SSU72: variants seen among roughly 807,000 people sequenced by gnomAD.
The protein encoded by SSU72 is SSU72 homolog, RNA polymerase II CTD phosphatase.
Under a neutral mutation model 22.7 loss-of-function variants are expected in SSU72, and 12 were observed. The ratio of observed to expected loss-of-function variants is 0.53; its 90% CI spans 0.34 to 0.86. SSU72 has a LOEUF of 0.86. SSU72 is among the 40% of genes least tolerant of loss of function. The probability of loss-of-function intolerance (pLI) is 0.02; values close to 1 mark genes in which losing one functional copy is unlikely to be tolerated. For synonymous variants in SSU72, 116 were observed against 98.3 expected (o/e 1.18, Z -1.06); for missense variants, 151 against 249.8 (o/e 0.60, Z 2.67).
chr1:1,574,630 A>G lies in SSU72; in HGVS notation c.-73T>C. The G allele has an allele frequency of 1.4e-6, 2 of 1,439,200 alleles. No homozygotes were observed. The highest frequency in any genetic ancestry group is 1.9e-6 in the Non-Finnish European group (2 of 1,076,172). 89.2% of individuals were successfully genotyped at this position (1,439,200 alleles called of 1,614,324 possible). On this transcript the variant is annotated 5_prime_UTR_variant, in exon 1 of 5. Coordinates refer to ENST00000291386, the MANE Select transcript of SSU72 (RefSeq NM_014188.3). ...ACCGCGGCGCTTCCGCGCGAACAAA[A>G]TGGCGGCCGCGGTGGCCGGAAGCGG...
At chr1:1,547,580 T>A (rs984406886) in intron 2 of SSU72, among the ~76,000 whole-genome samples, 2 of 152,122 alleles carry the variant, frequency 1.3e-5, no homozygotes, top group African/African-American at 2.4e-5. Context: ...GACCAAGCCA[T>A]GAGCTCACAG....
chr1:1,574,645 G>C lies in SSU72; in HGVS notation c.-88C>G. On this transcript the variant is annotated 5_prime_UTR_variant, in exon 1 of 5. Coordinates refer to ENST00000291386, the MANE Select transcript of SSU72 (RefSeq NM_014188.3). ...CGCGAACAAAATGGCGGCCGCGGTG[G>C]CCGGAAGCGGGCGACGCGAAACGAC... 1 of 1,300,016 alleles carries C rather than the reference G, an allele frequency of 7.7e-7. No homozygotes were observed. Among genetic ancestry groups the C allele is most frequent in the Non-Finnish European group, 1.0e-6 (1 of 995,986 alleles). 80.5% of individuals were successfully genotyped at this position (1,300,016 alleles called of 1,614,324 possible).
chr1:1,574,425 G>A (rs556933102), intron 1 of SSU72, 53 bp downstream of exon 1: 226 of 1,538,778 alleles, frequency 1.5e-4, no homozygotes, highest in Middle Eastern at 5.1e-4. Flanking sequence ...CGGGGAGGAG[G>A]GAGGGCCGGT....
At chr1:1,567,652 AAT>A (rs2100721395) in intron 1 of SSU72, among the ~76,000 whole-genome samples, 1 of 152,206 alleles carries the variant, frequency 6.6e-6, no homozygotes, top group East Asian at 1.9e-4. Flanking sequence ...CATACAATAA[AAT>A]ATGTTCCGTC....
At chr1:1,547,309 G>A (rs1248174815) in intron 2 of SSU72, among the ~76,000 whole-genome samples, 1 of 152,248 alleles carries the variant, frequency 6.6e-6, no homozygotes, top group African/African-American at 2.4e-5. Context: ...CTGAGGCCTG[G>A]ACAGTTCTAA....
rs184341811 is a variant in SSU72 at position 1,553,716 on chromosome 1, G to A, written c.225-8714C>T. On this transcript the variant is annotated intron_variant, in intron 2 of 4. Transcript: ENST00000291386. ...CAAGGCAGGAGAATGGTGTGAACCC[G>A]GGAGGCAGAGCTTGCGGTGAGCCGA... 1.1e-4 allele frequency among the ~76,000 whole-genome samples: 16 copies of A among 151,698 alleles called. No individual in the cohort carries two copies. In the East Asian group the frequency reaches 1.4e-3, roughly 13 times the overall value.
intron 2 of SSU72, among the ~76,000 whole-genome samples, chr1:1,551,218 A>C (rs1642452051): frequency 6.6e-6 from 1 of 152,232 alleles, no homozygotes; most frequent in South Asian, 2.1e-4. Context: ...CGTCTCCCAG[A>C]GGCTGCGGGA....
intron 2 of SSU72, among the ~76,000 whole-genome samples, chr1:1,557,771 A>G (rs532974470): frequency 3.3e-5 from 5 of 151,944 alleles, no homozygotes; most frequent in Admixed American, 1.3e-4. Context: ...GCACTCCAGC[A>G]GGGGTGACAG....
At position 1,542,266 on chromosome 1, in the gene SSU72, G is replaced by A. The variant is rs994372940; in HGVS notation, c.484-99C>T. On this transcript the variant is annotated intron_variant, in intron 4 of 4. Coordinates refer to ENST00000291386, the MANE Select transcript of SSU72 (RefSeq NM_014188.3). The surrounding 1 kb of genome is among the most constrained non-coding windows in gnomAD (Gnocchi z 4.4). Reference sequence around the variant, plus strand: ...GGGAAACGCCAGGCCTGAGCCAGCAGAAACCAGCGCAGCAGGCAGGCCCTC... The same window carrying A: ...GGGAAACGCCAGGCCTGAGCCAGCAAAAACCAGCGCAGCAGGCAGGCCCTC... The A allele has an allele frequency of 8.4e-7, 1 of 1,187,558 alleles. No individual in the cohort carries two copies. Among genetic ancestry groups the A allele is most frequent in the African/African-American group, 1.5e-5 (1 of 66,158 alleles). The allele number at this position is 1,187,558 out of a possible 1,614,324, so 73.6% of individuals were successfully genotyped here.
At chr1:1,572,671 A>AT (rs1378946467) in intron 1 of SSU72, among the ~76,000 whole-genome samples, 1 of 150,868 alleles carries the variant, frequency 6.6e-6, no homozygotes, top group Non-Finnish European at 1.5e-5. Flanking sequence ...GTTAGCCAGG[A>AT]TAGTCTCAAT....
At chr1:1,566,648 CAAG>C (rs1642665831) in intron 1 of SSU72, among the ~76,000 whole-genome samples, 1 of 152,112 alleles carries the variant, frequency 6.6e-6, no homozygotes, top group Non-Finnish European at 1.5e-5. Flanking sequence ...GTCAGGAGAT[CAAG>C]ACCAGCCTGG....
intron 1 of SSU72, among the ~76,000 whole-genome samples, chr1:1,573,521 TG>T (rs1358811386): frequency 6.9e-6 from 1 of 145,934 alleles, no homozygotes; most frequent in East Asian, 2.0e-4. Flanking sequence ...TTTTGGGGGG[TG>T]TTTTTTGGTC....
intron 2 of SSU72, chr1:1,545,644 C>A: frequency 6.6e-6 from 1 of 152,500 alleles, no homozygotes; most frequent in Non-Finnish European, 1.5e-5. Flanking sequence ...CCCGTCTCTA[C>A]TAAAAATACA....
At chr1:1,564,479 C>CT in intron 2 of SSU72, 2 of 1,477,258 alleles carry the variant, frequency 1.4e-6, no homozygotes, top group Non-Finnish European at 1.8e-6. Flanking sequence ...TGGGTTCCAC[C>CT]TCCTCACCTA....
chr1:1,555,469 G>T (rs996019555), intron 2 of SSU72, among the ~76,000 whole-genome samples: 3 of 152,250 alleles, frequency 2.0e-5, no homozygotes, highest in Non-Finnish European at 2.9e-5. Flanking sequence ...GGGCCAGGTG[G>T]CGGCTGTGGC....
chr1:1,546,419 C>T (rs1642389479), intron 2 of SSU72: 1 of 152,380 alleles, frequency 6.6e-6, no homozygotes, highest in Non-Finnish European at 1.5e-5. Context: ...GTCCCCGAGG[C>T]CCCTGGAAGC....
chr1:1,569,001 G>A (rs1237934465), intron 1 of SSU72, among the ~76,000 whole-genome samples: 16 of 152,144 alleles, frequency 1.1e-4, no homozygotes, highest in African/African-American at 3.1e-4. Flanking sequence ...GTGAAACCCC[G>A]TCTCTACTAA....
At chr1:1,547,056 A>C (rs1019787937) in intron 2 of SSU72, among the ~76,000 whole-genome samples, 2 of 152,044 alleles carry the variant, frequency 1.3e-5, no homozygotes, top group African/African-American at 4.8e-5. Context: ...AAAAGAGCTC[A>C]AGACGGCCTG....
Position 1,544,874 on chromosome 1 carries a change from T to TG in SSU72, c.352dup (p.Gln118ProfsTer40). Reference sequence around the variant, plus strand: ...AGCCGCCTCCTCACCTTCCACCACCTGGTCATACACTCTCTCTTCGCAAGT... The same window carrying TG: ...AGCCGCCTCCTCACCTTCCACCACCTGGGTCATACACTCTCTCTTCGCAAGT... On this transcript the variant is annotated frameshift_variant, in exon 3 of 5. Coordinates refer to ENST00000291386, the MANE Select transcript of SSU72 (RefSeq NM_014188.3). LOFTEE classifies it high-confidence loss of function. 2 of 1,614,190 alleles carry TG rather than the reference T, an allele frequency of 1.2e-6. No individual in the cohort carries two copies.
Sources: gnomAD v4.1 joint callset for allele counts (sites outside exome capture counted in the v4.1 genomes callset) on GRCh38, gnomAD v4.1.1 for gene constraint, Gnocchi (gnomAD v3.1) non-coding constraint, MANE v1.5 for transcripts, NCBI Gene and HGNC (gene_info 2026-07-23, HGNC 2026-07-21) for gene names.